The following ZBTB10 variants were observed in gnomAD, a reference collection of about 807,000 sequenced individuals.
ZBTB10 encodes zinc finger and BTB domain containing 10.
In ZBTB10, 32 loss-of-function variants were observed where a neutral mutation model predicts 76.4. That is an observed-to-expected ratio of 0.42 (90% CI 0.32 to 0.56). ZBTB10 has a LOEUF of 0.56. Ranked by LOEUF, ZBTB10 falls within the 20% of genes least tolerant of loss-of-function variation. The pLI is 0.14. For synonymous variants in ZBTB10, 523 were observed against 432.9 expected, an observed-to-expected ratio of 1.21 and a Z score of -2.58; for missense variants, 1,057 against 1,098.5, an observed-to-expected ratio of 0.96 and a Z score of 0.53.
Position 80,523,561 on chromosome 8 carries a change from A to G in ZBTB10, c.*4033A>G, listed in dbSNP as rs143114019. ...ATCCTTAAACTTAACTATGGTACAT[A>G]ATATCCACACTTAGAACTAACAGGT... On this transcript the variant is annotated 3_prime_UTR_variant, in exon 6 of 6. Coordinates refer to ENST00000455036, the MANE Select transcript of ZBTB10 (RefSeq NM_001105539.3). 198 of 151,964 alleles carry G rather than the reference A, an allele frequency of 1.3e-3. 1 individual carries two copies. Among genetic ancestry groups the G allele is most frequent in the African/African-American group, 4.6e-3 (192 of 41,516 alleles). The allele number at this position is 151,964 out of a possible 1,614,324, so 9.4% of individuals were successfully genotyped here.
chr8:80,491,968 G>A (rs1190149215), intron 1 of ZBTB10, among the ~76,000 whole-genome samples: 1 of 152,198 alleles, frequency 6.6e-6, no homozygotes, highest in Non-Finnish European at 1.5e-5. Context: ...ATATATTGAT[G>A]TCAGTAGCTG....
At chr8:80,498,922 A>G (rs1422486881) in intron 1 of ZBTB10, among the ~76,000 whole-genome samples, 1 of 152,234 alleles carries the variant, frequency 6.6e-6, no homozygotes, top group Non-Finnish European at 1.5e-5. Context: ...AGATATTCCT[A>G]TAGTTGAAGC....
At chr8:80,511,549 G>A (rs772770291) in intron 2 of ZBTB10, among the ~76,000 whole-genome samples, 28 of 152,212 alleles carry the variant, frequency 1.8e-4, no homozygotes, top group Non-Finnish European at 3.4e-4. Flanking sequence ...GTATAGTGGT[G>A]TGATTGTAGC....
rs150801349 is a variant in ZBTB10, at chr8:80,524,686, A to G, written c.*5158A>G. On this transcript the variant is annotated 3_prime_UTR_variant, in exon 6 of 6. Transcript: ENST00000455036. ...CCCACATAGCATTATAATGCCTAGTATCTTTAAACATGTAAAGAGCTATCA... is the reference window on the plus strand; with the variant it reads ...CCCACATAGCATTATAATGCCTAGTGTCTTTAAACATGTAAAGAGCTATCA... 28 of 152,194 alleles carry G rather than the reference A, an allele frequency of 1.8e-4. No homozygotes were observed. The East Asian group carries it at 5.2e-3, about 28-fold the overall frequency. 9.4% of individuals were successfully genotyped at this position (152,194 alleles called of 1,614,324 possible).
At chr8:80,519,136 A>G (rs1466907990) in intron 5 of ZBTB10, 87 bp from the exon 6 acceptor site, 2 of 1,450,688 alleles carry the variant, frequency 1.4e-6, no homozygotes, top group South Asian at 1.4e-5. Flanking sequence ...TTCACTCACT[A>G]TTAAATGTGT....
At position 80,499,990 on chromosome 8, in the gene ZBTB10, T is replaced by A; in HGVS notation, c.1469T>A (p.Leu490Gln). ...NNRKPVNRDG[L>Q]SSSRDQKIAS... ...AGAAAACCAGTTAATAGAGATGGTC[T>A]GTCTTCATCACGGGATCAAAAAATT... The change falls in exon 2 of 6, where the codon CTG becomes CAG. Residue 490 changes from leucine (L) to glutamine (Q), a missense_variant. By Grantham distance (113) the Leu-to-Gln change is moderately radical. Transcript: ENST00000455036. 6.2e-7 allele frequency: 1 copy of A among 1,614,012 alleles called. No individual in the cohort carries two copies. The highest frequency in any genetic ancestry group is 2.2e-5 in the East Asian group (1 of 44,882).
chr8:80,486,815 C>A lies in ZBTB10; in HGVS notation c.5C>A (p.Ser2Ter). ...GCGGCGGCGGCGGCGCGCGCCATGT[C>A]GTTCAGTGAAATGAACCGCAGGACG... is the stretch of plus-strand genomic sequence containing the variant. M[S>*]FSEMNRRTLA... Residue 2 changes from serine to a stop codon, truncating the protein, a stop_gained, in exon 1 of 6, where the codon TCG becomes TAG. Coordinates refer to ENST00000455036, the MANE Select transcript of ZBTB10 (RefSeq NM_001105539.3). LOFTEE classifies it high-confidence loss of function. 1 of 1,350,144 alleles carries A rather than the reference C, an allele frequency of 7.4e-7. No homozygotes were observed. Among genetic ancestry groups the A allele is most frequent in the Non-Finnish European group, 9.7e-7 (1 of 1,032,108 alleles). The allele number at this position is 1,350,144 out of a possible 1,614,324, so 83.6% of individuals were successfully genotyped here.
chr8:80,497,609 A>G (rs767646419), intron 1 of ZBTB10, among the ~76,000 whole-genome samples: 24 of 151,006 alleles, frequency 1.6e-4, no homozygotes, highest in Non-Finnish European at 4.4e-5. Flanking sequence ...TGTAGTGATC[A>G]TATACTCCAG....
chr8:80,510,176 G>A (rs1190306932), intron 2 of ZBTB10, among the ~76,000 whole-genome samples: 1 of 152,084 alleles, frequency 6.6e-6, no homozygotes, highest in Non-Finnish European at 1.5e-5. Flanking sequence ...AACACAGAGT[G>A]GAATTAATGT....
At chr8:80,491,508 A>G (rs1265488598) in intron 1 of ZBTB10, among the ~76,000 whole-genome samples, 1 of 152,222 alleles carries the variant, frequency 6.6e-6, no homozygotes, top group African/African-American at 2.4e-5. Context: ...GTAGTTACCA[A>G]AAAGTTAATC....
Position 80,486,972 on chromosome 8 carries a change from G to C in ZBTB10, c.162G>C (p.Ala54=), listed in dbSNP as rs749535596. 1 of 1,512,786 alleles carries C rather than the reference G, an allele frequency of 6.6e-7. No homozygotes were observed. Among genetic ancestry groups the C allele is most frequent in the African/African-American group, 1.4e-5 (1 of 69,266 alleles). The allele number at this position is 1,512,786 out of a possible 1,614,324, so 93.7% of individuals were successfully genotyped here. The change falls in exon 1 of 6, where the codon GCG becomes GCC. Residue 54 remains alanine, a synonymous_variant. Transcript: ENST00000455036. ...PRQPPPPAPP[A]LQPPNGRGAD... Reference sequence around the variant, plus strand: ...AGCCCCCGCCGCCAGCGCCGCCCGCGCTTCAGCCGCCTAATGGGCGGGGGG... The same window carrying C: ...AGCCCCCGCCGCCAGCGCCGCCCGCCCTTCAGCCGCCTAATGGGCGGGGGG...
At chr8:80,502,452 G>T (rs1305607995) in intron 2 of ZBTB10, among the ~76,000 whole-genome samples, 1 of 152,112 alleles carries the variant, frequency 6.6e-6, no homozygotes, top group African/African-American at 2.4e-5. Flanking sequence ...GGCCAAGCTG[G>T]TCTCGAACTC....
At chr8:80,497,265 A>T (rs1815807273) in intron 1 of ZBTB10, among the ~76,000 whole-genome samples, 1 of 151,882 alleles carries the variant, frequency 6.6e-6, no homozygotes, top group Non-Finnish European at 1.5e-5. Flanking sequence ...AATACAACAT[A>T]CTGGTTTAAT....
chr8:80,487,333 C>A lies in ZBTB10; in HGVS notation c.523C>A (p.Gln175Lys). The part of the protein sequence containing the change: ...LDALEGKELM[Q>K]DGASLSDSTE... Reference sequence around the variant, plus strand: ...CGCGCTGGAGGGGAAGGAGTTGATGCAGGACGGCGCGTCCCTGAGCGACAG... The same window carrying A: ...CGCGCTGGAGGGGAAGGAGTTGATGAAGGACGGCGCGTCCCTGAGCGACAG... Residue 175 changes from glutamine to lysine, a missense_variant, in exon 1 of 6, where the codon CAG (glutamine) becomes AAG (lysine). Physicochemically the swap from Gln to Lys is moderately conservative, Grantham distance 53. Transcript: ENST00000455036. 5 of 1,534,914 alleles carry A rather than the reference C, an allele frequency of 3.3e-6. No homozygotes were observed. Among genetic ancestry groups the A allele is most frequent in the Non-Finnish European group, 4.4e-6 (5 of 1,138,322 alleles).
chr8:80,519,077 G>A (rs922599561), intron 5 of ZBTB10, 123 bp downstream of exon 5: 5 of 1,412,698 alleles, frequency 3.5e-6, no homozygotes, highest in East Asian at 5.0e-5. Context: ...GCTTTAAACA[G>A]TTTGACTTTA....
chr8:80,494,849 C>T (rs1766979436), intron 1 of ZBTB10, among the ~76,000 whole-genome samples: 1 of 150,340 alleles, frequency 6.7e-6, no homozygotes, highest in Non-Finnish European at 1.5e-5. Flanking sequence ...CCCTTGAACC[C>T]AGGAGGTTGA....
intron 2 of ZBTB10, among the ~76,000 whole-genome samples, chr8:80,508,301 AAT>A (rs1467228675): frequency 6.6e-6 from 1 of 152,210 alleles, no homozygotes; most frequent in Non-Finnish European, 1.5e-5. Flanking sequence ...ATACAGACTT[AAT>A]ATATAGTAGG....
intron 2 of ZBTB10, among the ~76,000 whole-genome samples, chr8:80,510,946 T>G (rs1816176986): frequency 6.6e-6 from 1 of 152,172 alleles, no homozygotes; most frequent in South Asian, 2.1e-4. Context: ...TCGTGTCAAT[T>G]AAGTGGTTGG....
At chr8:80,490,101 T>C (rs2131471323) in intron 1 of ZBTB10, among the ~76,000 whole-genome samples, 1 of 152,328 alleles carries the variant, frequency 6.6e-6, no homozygotes, top group East Asian at 1.9e-4. Context: ...ACACAACACG[T>C]AATGTAAGCG....
Sources: gnomAD v4.1 joint callset for allele counts (sites outside exome capture counted in the v4.1 genomes callset) on GRCh38, gnomAD v4.1.1 for gene constraint, MANE v1.5 for transcripts, NCBI Gene and HGNC (gene_info 2026-07-23, HGNC 2026-07-21) for gene names.